The following FAS variants were observed in gnomAD, a reference collection of about 807,000 sequenced individuals.
FAS encodes tumor necrosis factor receptor superfamily member 6.
In FAS, 5 loss-of-function variants were observed where a neutral mutation model predicts 33.2. That is an observed-to-expected ratio of 0.15 (90% CI 0.08 to 0.32). FAS has a LOEUF of 0.32. Ranked by LOEUF, FAS falls within the 10% of genes least tolerant of loss-of-function variation. The pLI, the probability that FAS is intolerant of heterozygous loss-of-function variation, is 1.00. For missense variants in FAS, 339 were observed against 386.0 expected (o/e 0.88, Z 1.02); for synonymous variants, 131 against 130.7 (o/e 1.00, Z -0.01).
intron 2 of FAS, among the ~76,000 whole-genome samples, chr10:89,006,291 A>G (rs1848225646): frequency 6.6e-6 from 1 of 152,174 alleles, no homozygotes; most frequent in Admixed American, 6.5e-5. Context: ...AGCCCTATGC[A>G]CTATTTTTGA....
At chr10:89,004,050 T>C (rs1179513713) in intron 2 of FAS, among the ~76,000 whole-genome samples, 1 of 152,232 alleles carries the variant, frequency 6.6e-6, no homozygotes, top group Non-Finnish European at 1.5e-5. Flanking sequence ...AACCCATTTA[T>C]ACTTAAACCC....
chr10:89,005,882 G>T (rs1288041532), intron 2 of FAS, among the ~76,000 whole-genome samples: 1 of 152,044 alleles, frequency 6.6e-6, no homozygotes, highest in Non-Finnish European at 1.5e-5. Context: ...CAGGTGATCT[G>T]CCTGCCTTGG....
chr10:88,987,350 G>A (rs1335485977), upstream of FAS, among the ~76,000 whole-genome samples: 1 of 152,216 alleles, frequency 6.6e-6, no homozygotes, highest in African/African-American at 2.4e-5. Flanking sequence ...TAAGAATCTA[G>A]CTTAAGCAGA....
At chr10:88,987,270 C>T (rs1846928486), upstream of FAS, among the ~76,000 whole-genome samples, 1 of 152,184 alleles carries the variant, frequency 6.6e-6, no homozygotes, top group African/African-American at 2.4e-5. Context: ...TAACAATTAA[C>T]TTTTGTAACA....
Position 89,015,429 on chromosome 10 carries a change from GA to G in FAS, c.*983del. 1.9e-6 allele frequency: 1 copy of G among 528,530 alleles called. No individual in the cohort carries two copies. The highest frequency in any genetic ancestry group is 1.5e-5 in the South Asian group (1 of 64,626). The allele number at this position is 528,530 out of a possible 1,614,324, so 32.7% of individuals were successfully genotyped here. A position where few individuals can be genotyped will look rare whatever the true frequency, so the allele number is the denominator to read the frequency against. On this transcript the variant is annotated 3_prime_UTR_variant, in exon 9 of 9. Coordinates refer to ENST00000652046, the MANE Select transcript of FAS (RefSeq NM_000043.6). ...AGATTCTTATTTTTCCCCCACCCCCGAAAATGTTCAATAATGTCCCATGTAA... is the reference window on the plus strand; with the variant it reads ...AGATTCTTATTTTTCCCCCACCCCCGAAATGTTCAATAATGTCCCATGTAA...
intron 2 of FAS, among the ~76,000 whole-genome samples, chr10:88,979,372 C>A (rs1309744796): frequency 1.3e-5 from 2 of 152,176 alleles, no homozygotes; most frequent in African/African-American, 4.8e-5. Context: ...GACCAGATTC[C>A]TGCTGACTTC....
chr10:89,006,332 T>C (rs2133492701), intron 2 of FAS, among the ~76,000 whole-genome samples: 1 of 152,342 alleles, frequency 6.6e-6, no homozygotes, highest in South Asian at 2.1e-4. Flanking sequence ...AGTTTGTTTT[T>C]TACTATTGAC....
intron 1 of FAS, among the ~76,000 whole-genome samples, chr10:88,965,537 A>G (rs1196210068): frequency 1.3e-5 from 2 of 152,202 alleles, no homozygotes; most frequent in Admixed American, 6.5e-5. Flanking sequence ...GCGGCTGCCT[A>G]GTGTACTTGC....
chr10:89,013,317 C>T, intron 7 of FAS, 26 bp from the exon 8 acceptor site: 1 of 1,605,628 alleles, frequency 6.2e-7, no homozygotes, highest in South Asian at 1.1e-5. Context: ...ATTTGTCTTT[C>T]TCTGCTTCCA....
rs1846493186 is a variant in FAS, at chr10:88,973,385, C to G, written n.260+38C>G. ...TTGCCAGGCGAACAATTGTGAAAAT[C>G]TTTCATAGAGTTCCCGATGAAAACA... On this transcript the variant is annotated intron_variant and non_coding_transcript_variant, in intron 2 of 3. Transcript: ENST00000688239. 4 of 1,426,738 alleles carry G rather than the reference C, an allele frequency of 2.8e-6. No homozygotes were observed. The South Asian group carries it at 4.9e-5, about 18-fold the overall frequency. 88.4% of individuals were successfully genotyped at this position (1,426,738 alleles called of 1,614,324 possible).
intron 1 of FAS, among the ~76,000 whole-genome samples, chr10:89,000,319 T>G (rs969696014): frequency 2.0e-5 from 3 of 152,222 alleles, no homozygotes; most frequent in African/African-American, 7.2e-5. Flanking sequence ...GTTGCTGTTA[T>G]AGATTTACTA....
At chr10:88,989,422 T>C (rs778831876), upstream of FAS, 10 of 515,070 alleles carry the variant, frequency 1.9e-5, no homozygotes, top group Non-Finnish European at 3.1e-5. Context: ...ATACAGAGAA[T>C]GCCCATATAC....
chr10:88,976,532 G>C (rs1461154012), intron 2 of FAS, among the ~76,000 whole-genome samples: 3 of 152,056 alleles, frequency 2.0e-5, no homozygotes, highest in African/African-American at 4.8e-5. Flanking sequence ...CAAGTGTTTT[G>C]ACCCTAAAAT....
At chr10:88,998,413 C>T (rs1847730150) in intron 1 of FAS, among the ~76,000 whole-genome samples, 1 of 151,820 alleles carries the variant, frequency 6.6e-6, no homozygotes, top group African/African-American at 2.4e-5. Flanking sequence ...CTGGACCCTT[C>T]CGGCCTTCCA....
In FAS at chr10:89,016,570, GT is replaced by G. The variant is rs1378580196; in HGVS notation, c.*2127del. ...AGAAGTCTTTGTACTTGGTGATGTG[GT>G]TTTTTTCCTCATGGCTTCACCTAGT... On this transcript the variant is annotated 3_prime_UTR_variant, in exon 9 of 9. Coordinates refer to ENST00000652046, the MANE Select transcript of FAS (RefSeq NM_000043.6). 1 of 226,080 alleles carries G rather than the reference GT, an allele frequency of 4.4e-6. No individual in the cohort carries two copies. Among genetic ancestry groups the G allele is most frequent in the African/African-American group, 2.2e-5 (1 of 45,016 alleles). 14.0% of individuals were successfully genotyped at this position (226,080 alleles called of 1,614,324 possible).
At chr10:88,965,920 C>T (rs535432409) in intron 1 of FAS, among the ~76,000 whole-genome samples, 1 of 152,200 alleles carries the variant, frequency 6.6e-6, no homozygotes, top group Admixed American at 6.5e-5. Context: ...TGTTTTTTTC[C>T]ACTCCAGTCC....
At chr10:88,986,937 T>C (rs1446356552), upstream of FAS, among the ~76,000 whole-genome samples, 1 of 152,228 alleles carries the variant, frequency 6.6e-6, no homozygotes, top group East Asian at 1.9e-4. Flanking sequence ...TACTAGGTGA[T>C]TTGCATATGT....
chr10:88,976,456 C>T (rs75634972), intron 2 of FAS, among the ~76,000 whole-genome samples: 13,404 of 152,216 alleles, frequency 0.088, 772 homozygotes, highest in Non-Finnish European at 0.13. Flanking sequence ...ATGAGGATCA[C>T]GGAAAATGGA....
chr10:88,989,877 A>G (rs1847061829), upstream of FAS, among the ~76,000 whole-genome samples: 1 of 152,240 alleles, frequency 6.6e-6, no homozygotes, highest in Non-Finnish European at 1.5e-5. Context: ...TTCAGTAATG[A>G]TGTCATTATC....
Sources: allele counts gnomAD v4.1 joint callset (sites outside exome capture counted in the v4.1 genomes callset), GRCh38; gene constraint gnomAD v4.1.1; transcripts MANE v1.5; gene names NCBI Gene and HGNC (gene_info 2026-07-23, HGNC 2026-07-21).